The following LPCAT3 variants were observed in gnomAD, a reference collection of about 807,000 sequenced individuals.
LPCAT3 encodes the protein lysophospholipid acyltransferase 5.
LPCAT3 carries 21 observed loss-of-function variants against 63.4 expected under a neutral mutation model. The ratio of observed to expected loss-of-function variants is 0.33; its 90% CI spans 0.23 to 0.48. The LOEUF (loss-of-function observed/expected upper bound fraction) is 0.48, where lower values mean the gene tolerates loss of function less well. Ranked by LOEUF, LPCAT3 falls within the 20% of genes least tolerant of loss-of-function variation. LPCAT3 has a pLI of 0.99. For synonymous variants in LPCAT3, 242 were observed against 227.5 expected (o/e 1.06, Z -0.58); for missense variants, 451 against 590.6 (o/e 0.76, Z 2.45).
rs1946543659 is a variant in LPCAT3 at position 6,987,863 on chromosome 12, C to CT, written c.152-4325dup. Reference sequence around the variant, plus strand: ...GGTATGTGAAATTGTCTGCCTGACTCTAACAAGGCCTACACTGTCCTGAGT... The same window carrying CT: ...GGTATGTGAAATTGTCTGCCTGACTCTTAACAAGGCCTACACTGTCCTGAGT... On this transcript the variant is annotated intron_variant, in intron 1 of 12. Coordinates refer to ENST00000261407, the MANE Select transcript of LPCAT3 (RefSeq NM_005768.6). The surrounding 1 kb of genome is among the most constrained non-coding windows in gnomAD (Gnocchi z 4.1). 5.0e-6 allele frequency: 2 copies of CT among 400,598 alleles called. No individual in the cohort carries two copies. Among genetic ancestry groups the CT allele is most frequent in the Admixed American group, 4.4e-5 (1 of 22,718 alleles). 24.8% of individuals were successfully genotyped at this position (400,598 alleles called of 1,614,324 possible). A position where few individuals can be genotyped will look rare whatever the true frequency, so the allele number is the denominator to read the frequency against.
intron 1 of LPCAT3, among the ~76,000 whole-genome samples, chr12:6,999,319 A>G (rs1946665370): frequency 6.6e-6 from 1 of 152,200 alleles, no homozygotes; most frequent in South Asian, 2.1e-4. Context: ...AACTGGGACA[A>G]GTGATCAAAA....
intron 1 of LPCAT3, among the ~76,000 whole-genome samples, chr12:6,994,752 G>C (rs1448486194): frequency 6.6e-6 from 1 of 152,198 alleles, no homozygotes; most frequent in Non-Finnish European, 1.5e-5. Flanking sequence ...ACTGTGCTTG[G>C]CCAATGTTCA....
At chr12:6,978,796 G>A in intron 7 of LPCAT3, 107 bp from the exon 8 acceptor site, 1 of 1,502,644 alleles carries the variant, frequency 6.7e-7, no homozygotes, top group Non-Finnish European at 8.9e-7. Flanking sequence ...ACCTGCCTGA[G>A]TCCTGCTGCC....
intron 9 of LPCAT3, chr12:6,978,063 G>C (rs1322719482): frequency 8.9e-6 from 5 of 559,084 alleles, no homozygotes; most frequent in South Asian, 8.9e-5. Flanking sequence ...AAGTAAAGCT[G>C]TTGATAAACA....
At position 6,977,400 on chromosome 12, in the gene LPCAT3, G is replaced by A. The variant is rs782536773; in HGVS notation, c.1314C>T (p.Ala438=). 6.2e-7 allele frequency: 1 copy of A among 1,614,198 alleles called. No individual in the cohort carries two copies. The highest frequency in any genetic ancestry group is 1.1e-5 in the South Asian group (1 of 91,086). Residue 438 remains alanine, a synonymous_variant, in exon 11 of 13, where the codon GCC becomes GCT. Transcript: ENST00000261407. This position sits in a 1 kb window ranked among gnomAD's most constrained non-coding sequence, Gnocchi z 4.5. ...ATTTGTCCCACGTGAAGAGGCAGAA[G>A]GCAGTCATGGAGTAACCCATGAAGA... ...HWLFMGYSMT[A]FCLFTWDKWL... is the part of the protein sequence containing the mutation.
Position 7,017,896 on chromosome 12 carries a change from G to A in LPCAT3, c.151+378C>T, listed in dbSNP as rs1946806207. On this transcript the variant is annotated intron_variant, in intron 1 of 12. Coordinates refer to ENST00000261407, the MANE Select transcript of LPCAT3 (RefSeq NM_005768.6). The surrounding 1 kb of genome is among the most constrained non-coding windows in gnomAD (Gnocchi z 4.1). The stretch of plus-strand genomic sequence containing the variant: ...GGGGCCCTATGCCTACCGATGAGAT[G>A]CGCGCGTGTGCGGGGTGGTTATTAA... 2.0e-5 allele frequency among the ~76,000 whole-genome samples: 3 copies of A among 152,208 alleles called. No individual in the cohort carries two copies. In the South Asian group the frequency reaches 6.2e-4, roughly 32 times the overall value.
intron 1 of LPCAT3, among the ~76,000 whole-genome samples, chr12:6,985,489 G>A (rs1946514499): frequency 6.6e-6 from 1 of 151,860 alleles, no homozygotes; most frequent in African/African-American, 2.4e-5. Context: ...TGAGGTGGGT[G>A]GATCACTTGA....
Position 7,018,136 on chromosome 12 carries a change from GGT to G in LPCAT3, c.151+136_151+137del, listed in dbSNP as rs1555157751. On this transcript the variant is annotated intron_variant, in intron 1 of 12. Coordinates refer to ENST00000261407, the MANE Select transcript of LPCAT3 (RefSeq NM_005768.6). This position sits in a 1 kb window ranked among gnomAD's most constrained non-coding sequence, Gnocchi z 4.9. ...CTTCTGTCTTCCCTCAGTAGCTGTT[GGT>G]GTGCTTCAGGATTCACACCCGCACC... 6 of 899,724 alleles carry G rather than the reference GGT, an allele frequency of 6.7e-6. No homozygotes were observed. Among genetic ancestry groups the G allele is most frequent in the Non-Finnish European group, 8.6e-6 (5 of 582,472 alleles). The allele number at this position is 899,724 out of a possible 1,614,324, so 55.7% of individuals were successfully genotyped here.
At chr12:6,996,551 C>T (rs1408606134) in intron 1 of LPCAT3, among the ~76,000 whole-genome samples, 1 of 152,200 alleles carries the variant, frequency 6.6e-6, no homozygotes. Context: ...TCCTGGTACA[C>T]AAAATTTCTC....
intron 1 of LPCAT3, among the ~76,000 whole-genome samples, chr12:7,000,674 T>C (rs985741900): frequency 1.3e-5 from 2 of 152,002 alleles, no homozygotes; most frequent in African/African-American, 4.8e-5. Context: ...TATGCATGTC[T>C]AAATATTTTA....
At chr12:7,015,365 G>A (rs1946791145) in intron 1 of LPCAT3, among the ~76,000 whole-genome samples, 3 of 152,156 alleles carry the variant, frequency 2.0e-5, no homozygotes, top group East Asian at 3.8e-4. Context: ...GGTACCTCCA[G>A]CAAGGATTTC....
chr12:6,982,302 G>A (rs1194090419), intron 3 of LPCAT3, among the ~76,000 whole-genome samples: 1 of 152,278 alleles, frequency 6.6e-6, no homozygotes, highest in South Asian at 2.1e-4. Context: ...GCCTCCCAAG[G>A]TGCTGGGATT....
In LPCAT3 at chr12:6,990,849, G is replaced by A. The variant is rs1946582634; in HGVS notation, c.152-7310C>T. On this transcript the variant is annotated intron_variant, in intron 1 of 12. Transcript: ENST00000261407. ...GGAGAATCGCTTGAACCCAGGAGGT[G>A]GGGGTTGTAGTGAGCTGAGATCACG... Among the ~76,000 whole-genome samples the A allele has an allele frequency of 2.7e-5, 4 of 150,340 alleles. No homozygotes were observed. The South Asian group carries it at 8.4e-4, about 32-fold the overall frequency.
chr12:6,997,590 CTT>C (rs1205204101), intron 1 of LPCAT3, among the ~76,000 whole-genome samples: 8 of 129,526 alleles, frequency 6.2e-5, no homozygotes, highest in African/African-American at 8.5e-5. Flanking sequence ...ATTTTCTTTT[CTT>C]TTTTTTTTTT....
At position 6,978,394 on chromosome 12, in the gene LPCAT3, G is replaced by C; in HGVS notation, c.987C>G (p.Arg329=). Residue 329 remains arginine, a synonymous_variant, in exon 9 of 13, where the codon CGC becomes CGG. Transcript: ENST00000261407. The part of the protein sequence containing the change: ...MKVWLFETNP[R]FTGTIASFNI... ...TGAATGAGGCAATGGTGCCAGTGAA[G>C]CGGGGGTTTGTTTCAAAGAGCCACA... 1 of 1,613,972 alleles carries C rather than the reference G, an allele frequency of 6.2e-7. No individual in the cohort carries two copies. The highest frequency in any genetic ancestry group is 8.5e-7 in the Non-Finnish European group (1 of 1,179,976).
intron 3 of LPCAT3, 117 bp downstream of exon 3, chr12:6,982,559 G>T: frequency 1.4e-6 from 1 of 720,914 alleles, no homozygotes; most frequent in South Asian, 1.7e-5. Flanking sequence ...ACTGCTAAGT[G>T]CTGGGAGAGG....
Position 6,977,520 on chromosome 12 carries a change from G to A in LPCAT3, c.1194C>T (p.Ala398=), listed in dbSNP as rs782116568. Residue 398 remains alanine (A), a synonymous_variant, in exon 11 of 13, where the codon GCC becomes GCT. Coordinates refer to ENST00000261407, the MANE Select transcript of LPCAT3 (RefSeq NM_005768.6). The surrounding 1 kb of genome is among the most constrained non-coding windows in gnomAD (Gnocchi z 4.5). Reference sequence around the variant, plus strand: ...GGGTGGGGCTCTCTTGAATGAGCCTGGCAGCCTGGGGAGGGAGGAGGAGCT... The same window carrying A: ...GGGTGGGGCTCTCTTGAATGAGCCTAGCAGCCTGGGGAGGGAGGAGGAGCT... ...FLIVIVERQA[A]RLIQESPTLS... is the part of the protein sequence containing the mutation. 1 of 1,614,186 alleles carries A rather than the reference G, an allele frequency of 6.2e-7. No individual in the cohort carries two copies. Among genetic ancestry groups the A allele is most frequent in the Non-Finnish European group, 8.5e-7 (1 of 1,180,042 alleles).
chr12:7,001,286 A>G (rs1946685507), intron 1 of LPCAT3: 2 of 382,002 alleles, frequency 5.2e-6, no homozygotes, highest in Non-Finnish European at 1.0e-5. Flanking sequence ...ACATGGTCAT[A>G]TATTTTTGTA....
At chr12:7,013,268 A>C (rs908979267) in intron 1 of LPCAT3, among the ~76,000 whole-genome samples, 2 of 152,202 alleles carry the variant, frequency 1.3e-5, no homozygotes, top group East Asian at 3.9e-4. Flanking sequence ...GAACTGAACA[A>C]AGGCCATGTG....
Sources: allele counts gnomAD v4.1 joint callset (sites outside exome capture counted in the v4.1 genomes callset), GRCh38; gene constraint gnomAD v4.1.1; non-coding constraint Gnocchi (gnomAD v3.1); transcripts MANE v1.5; gene names NCBI Gene and HGNC (gene_info 2026-07-23, HGNC 2026-07-21).